Variants in PRKN observed in about 807,000 individuals in gnomAD.
PRKN encodes the protein parkin RBR E3 ubiquitin protein ligase, also known as E3 ubiquitin-protein ligase parkin.
PRKN carries 56 observed loss-of-function variants against 59.5 expected under a neutral mutation model. The observed-to-expected ratio is 0.94, with a 90% CI of 0.76 to 1.18. The LOEUF is 1.18. PRKN is among the 50% of genes most tolerant of loss of function. The pLI, the probability that PRKN is intolerant of heterozygous loss-of-function variation, is 0.00. For missense variants in PRKN, 657 were observed against 596.4 expected (o/e 1.10, Z -1.06); for synonymous variants, 250 against 222.1 (o/e 1.13, Z -1.12).
At chr6:161,619,251 A>AC (rs1782803433) in intron 7 of PRKN, among the ~76,000 whole-genome samples, 3 of 151,326 alleles carry the variant, frequency 2.0e-5, no homozygotes, top group African/African-American at 7.3e-5. Context: ...AAAAAAAAAA[A>AC]AAAAAAAAGA....
At chr6:162,026,449 G>C (rs78379323) in intron 5 of PRKN, among the ~76,000 whole-genome samples, 10 of 152,284 alleles carry the variant, frequency 6.6e-5, no homozygotes, top group African/African-American at 2.2e-4. Flanking sequence ...TCATGAACAC[G>C]TATGTCCTGC....
At chr6:162,412,229 T>C (rs1583527522) in intron 2 of PRKN, among the ~76,000 whole-genome samples, 1 of 152,220 alleles carries the variant, frequency 6.6e-6, no homozygotes, top group South Asian at 2.1e-4. Context: ...AGTAAATTTC[T>C]GGAGTTGAAC....
At chr6:162,357,158 A>C (rs1784907424) in intron 2 of PRKN, among the ~76,000 whole-genome samples, 2 of 152,170 alleles carry the variant, frequency 1.3e-5, no homozygotes, top group Non-Finnish European at 2.9e-5. Flanking sequence ...TCTGCTCTGC[A>C]AAAGACACTC....
At chr6:161,647,706 T>C (rs1464540969) in intron 7 of PRKN, among the ~76,000 whole-genome samples, 3 of 152,336 alleles carry the variant, frequency 2.0e-5, no homozygotes, top group South Asian at 2.1e-4. Flanking sequence ...ATGAAGAAGT[T>C]TGCTAATGTT....
chr6:161,814,370 A>C (rs1290406923), intron 6 of PRKN, among the ~76,000 whole-genome samples: 2 of 152,238 alleles, frequency 1.3e-5, no homozygotes, highest in African/African-American at 4.8e-5. Flanking sequence ...GTATTCGTCC[A>C]TTCTCATGTT....
chr6:161,755,404 A>G (rs372452899), intron 7 of PRKN, among the ~76,000 whole-genome samples: 9 of 152,006 alleles, frequency 5.9e-5, no homozygotes, highest in African/African-American at 1.7e-4. Flanking sequence ...TGAAATTGTC[A>G]TGTTGGAAAG....
intron 6 of PRKN, among the ~76,000 whole-genome samples, chr6:161,954,380 T>C (rs570268172): frequency 5.1e-4 from 78 of 152,332 alleles, no homozygotes; most frequent in African/African-American, 1.8e-3. Context: ...GCCGCCACAG[T>C]GAGACAGAAT....
intron 6 of PRKN, among the ~76,000 whole-genome samples, chr6:161,968,646 AATG>A (rs1780678736): frequency 6.6e-6 from 1 of 152,218 alleles, no homozygotes; most frequent in African/African-American, 2.4e-5. Context: ...TAATTTGATT[AATG>A]ATGTATGATT....
intron 6 of PRKN, among the ~76,000 whole-genome samples, chr6:161,948,571 G>C (rs1404125890): frequency 6.6e-6 from 1 of 152,176 alleles, no homozygotes; most frequent in Non-Finnish European, 1.5e-5. Context: ...GTCACAGGCT[G>C]CAAGAATCAG....
At chr6:162,409,995 C>T (rs562820501) in intron 2 of PRKN, among the ~76,000 whole-genome samples, 2 of 152,142 alleles carry the variant, frequency 1.3e-5, no homozygotes, top group South Asian at 2.1e-4. Context: ...GTTTTCAATA[C>T]AGCAGCTTTC....
At chr6:161,698,874 TA>T (rs1583022473) in intron 7 of PRKN, among the ~76,000 whole-genome samples, 2 of 152,146 alleles carry the variant, frequency 1.3e-5, no homozygotes. Flanking sequence ...GCATGATCCA[TA>T]AAAGAACAAA....
At chr6:162,240,873 T>G (rs1392976901) in intron 3 of PRKN, among the ~76,000 whole-genome samples, 2 of 152,182 alleles carry the variant, frequency 1.3e-5, no homozygotes, top group Admixed American at 1.3e-4. Context: ...GAGTTTTCAC[T>G]CATATACACT....
chr6:161,628,178 A>G (rs1179241337), intron 7 of PRKN, among the ~76,000 whole-genome samples: 1 of 152,244 alleles, frequency 6.6e-6, no homozygotes, highest in Non-Finnish European at 1.5e-5. Flanking sequence ...TTTTAGTCCA[A>G]TAAAGAGTGT....
At chr6:162,266,765 G>C (rs529140003) in intron 2 of PRKN, among the ~76,000 whole-genome samples, 18 of 152,256 alleles carry the variant, frequency 1.2e-4, no homozygotes, top group African/African-American at 4.3e-4. Flanking sequence ...CTCAGATCCC[G>C]ATCCGCAATG....
In PRKN at chr6:161,560,972, C is replaced by G. The variant is rs745659902; in HGVS notation, c.933+8383G>C. 6.6e-6 allele frequency among the ~76,000 whole-genome samples: 1 copy of G among 152,170 alleles called. No individual in the cohort carries two copies. The highest frequency in any genetic ancestry group is 2.4e-5 in the African/African-American group (1 of 41,436). Reference sequence around the variant, plus strand: ...CCTGGAAAACATCACCTCCACCTTCCCTGGGCGTGTAGCCCTGCAGCTGGA... The same window carrying G: ...CCTGGAAAACATCACCTCCACCTTCGCTGGGCGTGTAGCCCTGCAGCTGGA... On this transcript the variant is annotated intron_variant, in intron 8 of 11. Transcript: ENST00000366898. The surrounding 1 kb of genome is among the most constrained non-coding windows in gnomAD (Gnocchi z 4.9).
In PRKN at chr6:162,556,368, T is replaced by TGTGTGC. The variant is rs1554243452; in HGVS notation, c.8-112896_8-112895insGCACAC. Among the ~76,000 whole-genome samples the TGTGTGC allele has an allele frequency of 3.4e-3, 337 of 98,092 alleles. 9 individuals are homozygous for TGTGTGC. Among genetic ancestry groups the TGTGTGC allele is most frequent in the East Asian group, 0.021 (28 of 1,332 alleles). 64.4% of individuals were successfully genotyped at this position (98,092 alleles called of 152,430 possible). ...GTGTGTGTGTGTGTGTGTGTGTGTG[T>TGTGTGC]GTGTGTGTGTGTGTGTGTGTGTGTG... On this transcript the variant is annotated intron_variant, in intron 1 of 11. Transcript: ENST00000366898.
chr6:161,926,862 G>C (rs113522056), intron 6 of PRKN, among the ~76,000 whole-genome samples: 23 of 152,322 alleles, frequency 1.5e-4, no homozygotes, highest in African/African-American at 5.1e-4. Flanking sequence ...ACAAGGGCAA[G>C]TAGTGGCAAA....
intron 1 of PRKN, among the ~76,000 whole-genome samples, chr6:162,516,222 T>A: frequency 6.6e-6 from 1 of 152,204 alleles, no homozygotes; most frequent in South Asian, 2.1e-4. Flanking sequence ...GAAAGTTCAA[T>A]ATCTGCCATC....
At chr6:161,925,793 C>A (rs1355409471) in intron 6 of PRKN, among the ~76,000 whole-genome samples, 2 of 152,054 alleles carry the variant, frequency 1.3e-5, no homozygotes, top group East Asian at 1.9e-4. Flanking sequence ...GGGGATAAAA[C>A]AAACAAACAA....
Sources: allele counts gnomAD v4.1 joint callset (sites outside exome capture counted in the v4.1 genomes callset), GRCh38; gene constraint gnomAD v4.1.1; non-coding constraint Gnocchi (gnomAD v3.1); transcripts MANE v1.5; gene names NCBI Gene and HGNC (gene_info 2026-07-23, HGNC 2026-07-21).